The following NKTR variants were observed in gnomAD, a reference collection of about 807,000 sequenced individuals.
NKTR encodes the protein natural killer cell triggering receptor.
NKTR carries 67 observed loss-of-function variants against 156.3 expected under a neutral mutation model. The observed-to-expected ratio is 0.43, with a 90% confidence interval of 0.35 to 0.53. The LOEUF (loss-of-function observed/expected upper bound fraction) is 0.53, where lower values mean the gene tolerates loss of function less well. Ranked by LOEUF, NKTR falls within the 20% of genes least tolerant of loss-of-function variation. The pLI is 0.01. For missense variants in NKTR, 1,604 were observed against 1,730.9 expected, an observed-to-expected ratio of 0.93 and a Z score of 1.30; for synonymous variants, 640 against 596.6, an observed-to-expected ratio of 1.07 and a Z score of -1.06.
chr3:42,605,219 T>C (rs914339865), intron 2 of NKTR, among the ~76,000 whole-genome samples: 3 of 152,236 alleles, frequency 2.0e-5, no homozygotes, highest in Non-Finnish European at 2.9e-5. Context: ...TTCAATCCTT[T>C]TACTTTTAAC....
intron 9 of NKTR, 70 bp from the exon 10 acceptor site, chr3:42,633,510 T>C: frequency 6.4e-7 from 1 of 1,551,038 alleles, no homozygotes; most frequent in South Asian, 1.2e-5. Context: ...TTTTAGTAAC[T>C]AATTTTATGT....
At chr3:42,613,955 C>A (rs531160527) in intron 2 of NKTR, among the ~76,000 whole-genome samples, 1 of 152,124 alleles carries the variant, frequency 6.6e-6, no homozygotes, top group Non-Finnish European at 1.5e-5. Context: ...AGCTGTGTAT[C>A]TATTGGCATA....
intron 2 of NKTR, among the ~76,000 whole-genome samples, chr3:42,607,952 G>A (rs974930044): frequency 3.3e-5 from 4 of 119,980 alleles, no homozygotes; most frequent in Non-Finnish European, 5.1e-5. Context: ...CATGCCAATC[G>A]CAAGTCCTGA....
chr3:42,648,001 A>T lies in NKTR; in HGVS notation c.*2026A>T, dbSNP rs996182582. On this transcript the variant is annotated 3_prime_UTR_variant, in exon 17 of 17. Transcript: ENST00000232978. ...GAAGAATCTGCTTCTAAGTTCATTC[A>T]GGTTGTTGGCGGAATTCAGTTCTTT... 1.3e-4 allele frequency: 20 copies of T among 152,124 alleles called. No homozygotes were observed. Among genetic ancestry groups the T allele is most frequent in the African/African-American group, 4.8e-4 (20 of 41,416 alleles). The allele number at this position is 152,124 out of a possible 1,614,324, so 9.4% of individuals were successfully genotyped here.
At chr3:42,643,530 A>G in intron 15 of NKTR, 135 bp downstream of exon 15, 1 of 731,996 alleles carries the variant, frequency 1.4e-6, no homozygotes, top group Non-Finnish European at 2.3e-6. Flanking sequence ...CCTTTTCTAA[A>G]TGAGGTCTGT....
chr3:42,624,531 G>A (rs1708199754), intron 6 of NKTR, among the ~76,000 whole-genome samples: 1 of 152,010 alleles, frequency 6.6e-6, no homozygotes, highest in African/African-American at 2.4e-5. Context: ...AGATTATCTA[G>A]TCCAACCTTT....
intron 6 of NKTR, chr3:42,629,331 C>T (rs1379696148): frequency 1.0e-6 from 1 of 954,312 alleles, no homozygotes; most frequent in Non-Finnish European, 1.2e-6. Context: ...TTAATATTTC[C>T]TTTAAAATTC....
chr3:42,611,233 A>C (rs532618617), intron 2 of NKTR: 5 of 152,228 alleles, frequency 3.3e-5, no homozygotes, highest in African/African-American at 1.2e-4. Context: ...TGCTTGTACT[A>C]TCTGCAGGAA....
intron 2 of NKTR, chr3:42,612,219 A>C (rs1455373904): frequency 1.3e-5 from 2 of 151,754 alleles, no homozygotes; most frequent in Non-Finnish European, 2.9e-5. Flanking sequence ...AAGAAAAATA[A>C]GAATTTATCA....
intron 2 of NKTR, among the ~76,000 whole-genome samples, chr3:42,617,051 C>T (rs754890821): frequency 6.6e-6 from 1 of 152,108 alleles, no homozygotes; most frequent in Non-Finnish European, 1.5e-5. Flanking sequence ...GCCACCATGC[C>T]CAGCTTAAAA....
rs1709038822 is a variant in NKTR, at chr3:42,632,815, C to T, written c.765C>T (p.Asn255=). Reference sequence around the variant, plus strand: ...AGCCAAGGAATAAACATGCAATGAACCCAAAAGGGTACGTGTAAAACACCA... The same window carrying T: ...AGCCAAGGAATAAACATGCAATGAATCCAAAAGGGTACGTGTAAAACACCA... ...SEEPRNKHAM[N]PKGHSERSDT... is the part of the protein sequence containing the mutation. The change falls in exon 9 of 17, where the codon AAC becomes AAT. Residue 255 remains asparagine, a synonymous_variant. Transcript: ENST00000232978. The T allele has an allele frequency of 1.3e-6, 2 of 1,588,278 alleles. No homozygotes were observed. The highest frequency in any genetic ancestry group is 1.7e-6 in the Non-Finnish European group (2 of 1,169,496).
rs1709557890 is a variant in NKTR, at chr3:42,637,832, CGTA to C, written c.2131_2133del (p.Ser711del). On this transcript the variant is annotated inframe_deletion, in exon 13 of 17. Coordinates refer to ENST00000232978, the MANE Select transcript of NKTR (RefSeq NM_005385.4). The stretch of plus-strand genomic sequence containing the variant: ...TTATTCCAGATCATATACAAGATCA[CGTA>C]GTCTAGCTAGTTCACATTCAAGGTC... The C allele has an allele frequency of 1.2e-6, 2 of 1,613,596 alleles. No homozygotes were observed. Among genetic ancestry groups the C allele is most frequent in the African/African-American group, 1.3e-5 (1 of 74,884 alleles).
At chr3:42,642,770 C>A (rs78540412) in intron 14 of NKTR, among the ~76,000 whole-genome samples, 174 bp downstream of exon 14, 1 of 152,210 alleles carries the variant, frequency 6.6e-6, no homozygotes, top group Non-Finnish European at 1.5e-5. Context: ...GACTATTCCT[C>A]TGTTGGGATC....
At chr3:42,609,891 G>A (rs928768694) in intron 2 of NKTR, among the ~76,000 whole-genome samples, 11 of 152,130 alleles carry the variant, frequency 7.2e-5, no homozygotes, top group African/African-American at 2.4e-4. Context: ...TGGTATTTCA[G>A]TTGGTTCTTT....
intron 5 of NKTR, 159 bp from the exon 6 acceptor site, chr3:42,621,270 T>G (rs1238868492): frequency 7.5e-7 from 1 of 1,324,556 alleles, no homozygotes; most frequent in African/African-American, 1.5e-5. Flanking sequence ...ATGCTTTTGT[T>G]ATTTGATTAG....
At chr3:42,634,023 C>A (rs1326921406) in intron 10 of NKTR, among the ~76,000 whole-genome samples, 1 of 152,144 alleles carries the variant, frequency 6.6e-6, no homozygotes, top group Non-Finnish European at 1.5e-5. Flanking sequence ...TATTCCTGAT[C>A]TTCTTGCCTT....
chr3:42,616,667 G>A (rs1707394893), intron 2 of NKTR, among the ~76,000 whole-genome samples: 1 of 152,210 alleles, frequency 6.6e-6, no homozygotes, highest in Admixed American at 6.5e-5. Context: ...TTAAATTGAA[G>A]TTGCTGACTT....
intron 2 of NKTR, among the ~76,000 whole-genome samples, chr3:42,603,376 A>C (rs1159744994): frequency 1.3e-5 from 2 of 150,720 alleles, no homozygotes; most frequent in African/African-American, 4.9e-5. Flanking sequence ...AAAAAAAAAA[A>C]AAAAAAAAAC....
At chr3:42,614,138 T>C (rs1707114028) in intron 2 of NKTR, among the ~76,000 whole-genome samples, 1 of 152,230 alleles carries the variant, frequency 6.6e-6, no homozygotes, top group South Asian at 2.1e-4. Context: ...CACTAAATTA[T>C]AAATAGTATT....
Sources: gnomAD v4.1 joint callset for allele counts (sites outside exome capture counted in the v4.1 genomes callset) on GRCh38, gnomAD v4.1.1 for gene constraint, MANE v1.5 for transcripts, NCBI Gene and HGNC (gene_info 2026-07-23, HGNC 2026-07-21) for gene names.